TRPV4: variants seen among roughly 807,000 people sequenced by gnomAD.
TRPV4 encodes transient receptor potential cation channel subfamily V member 4.
A neutral mutation model predicts 84.1 loss-of-function variants in TRPV4; 58 were observed. The observed-to-expected ratio is 0.69, with a 90% confidence interval of 0.56 to 0.86. The LOEUF (loss-of-function observed/expected upper bound fraction) is 0.86. TRPV4 is among the 40% of genes least tolerant of loss of function. The probability of loss-of-function intolerance (pLI) is 0.00; values close to 1 mark genes in which losing one functional copy is unlikely to be tolerated. For missense variants in TRPV4, 879 were observed against 1,181.1 expected, an observed-to-expected ratio of 0.74 and a Z score of 3.75; for synonymous variants, 489 against 500.9, an observed-to-expected ratio of 0.98 and a Z score of 0.32.
chr12:109,794,124 GCCT>G, intron 8 of TRPV4, 102 bp from the exon 9 acceptor site: 6 of 1,168,986 alleles, frequency 5.1e-6, no homozygotes, highest in Middle Eastern at 2.6e-4. Context: ...ATCCCATGGA[GCCT>G]CCTCCTTCAC....
chr12:109,805,139 C>A (rs1205889077), intron 3 of TRPV4, among the ~76,000 whole-genome samples: 1 of 152,206 alleles, frequency 6.6e-6, no homozygotes, highest in Non-Finnish European at 1.5e-5. Flanking sequence ...TGGTCCTGTC[C>A]AGGAGCCTGT....
chr12:109,809,841 A>T (rs1259923148), intron 2 of TRPV4, among the ~76,000 whole-genome samples: 2 of 152,260 alleles, frequency 1.3e-5, no homozygotes, highest in African/African-American at 4.8e-5. Context: ...TAACTAACCC[A>T]TTAATTTATT....
chr12:109,802,615 T>TTTTA (rs113248555), intron 4 of TRPV4, among the ~76,000 whole-genome samples: 14,112 of 73,296 alleles, frequency 0.19, 1,143 homozygotes, highest in East Asian at 0.42. Flanking sequence ...TTTTATTTTA[T>TTTTA]TTTTTTTTTT....
intron 1 of TRPV4, among the ~76,000 whole-genome samples, chr12:109,823,955 G>GTGTC (rs1224745909): frequency 6.6e-6 from 1 of 151,614 alleles, no homozygotes; most frequent in Non-Finnish European, 1.5e-5. Context: ...GTGTGTGTGT[G>GTGTC]TGTGTGCGCA....
Position 109,793,895 on chromosome 12 carries a change from A to T in TRPV4, c.1584+35T>A. 1 of 1,446,950 alleles carries T rather than the reference A, an allele frequency of 6.9e-7. No individual in the cohort carries two copies. The highest frequency in any genetic ancestry group is 9.6e-7 in the Non-Finnish European group (1 of 1,046,726). The allele number at this position is 1,446,950 out of a possible 1,614,324, so 89.6% of individuals were successfully genotyped here. On this transcript the variant is annotated intron_variant, in intron 9 of 15. Coordinates refer to ENST00000261740, the MANE Select transcript of TRPV4 (RefSeq NM_021625.5). The surrounding 1 kb of genome is among the most constrained non-coding windows in gnomAD (Gnocchi z 4.0). ...AGGTGCAGGAAGAGAAGAGGAGGGC[A>T]GGCAGGGTGGGGGGCACGGGGGCCA...
chr12:109,830,691 C>T (rs894268392), intron 1 of TRPV4, among the ~76,000 whole-genome samples: 1 of 152,160 alleles, frequency 6.6e-6, no homozygotes, highest in Non-Finnish European at 1.5e-5. Context: ...GTGTCTTTCC[C>T]AAAGTCAAAT....
intron 4 of TRPV4, among the ~76,000 whole-genome samples, chr12:109,802,433 C>T (rs1399467785): frequency 6.6e-6 from 1 of 151,752 alleles, no homozygotes; most frequent in Admixed American, 6.6e-5. Context: ...TCCCAAGTAG[C>T]TGAGATTATA....
intron 1 of TRPV4, among the ~76,000 whole-genome samples, chr12:109,832,118 T>TACAGAGGAGAGAAC (rs1192316029): frequency 3.9e-5 from 6 of 152,186 alleles, no homozygotes; most frequent in Admixed American, 6.5e-5. Context: ...ACCCCAGTAT[T>TACAGAGGAGAGAAC]ACAGAGGAGA....
rs1338641750 is a variant in TRPV4 at position 109,803,028 on chromosome 12, C to T, written c.675G>A (p.Glu225=). The T allele has an allele frequency of 6.8e-6, 11 of 1,614,188 alleles. No individual in the cohort carries two copies. The African/African-American group carries it at 8.0e-5, about 12-fold the overall frequency. The change falls in exon 4 of 16, where the codon GAG becomes GAA. Residue 225 remains glutamate, a synonymous_variant. Coordinates refer to ENST00000261740, the MANE Select transcript of TRPV4 (RefSeq NM_021625.5). The part of the protein sequence containing the change: ...DIAERTGNMR[E]FINSPFRDIY... Reference sequence around the variant, plus strand: ...TGTCACGGAAGGGCGAGTTAATGAACTCCCTCATGTTGCCGGTGCGCTCCG... The same window carrying T: ...TGTCACGGAAGGGCGAGTTAATGAATTCCCTCATGTTGCCGGTGCGCTCCG...
At chr12:109,792,263 A>AAAAAT in intron 12 of TRPV4, 100 bp downstream of exon 12, 1 of 907,696 alleles carries the variant, frequency 1.1e-6, no homozygotes, top group Non-Finnish European at 1.6e-6. Context: ...AAAAAAAAAA[A>AAAAAT]AAGAACTCAG....
In TRPV4 at chr12:109,786,379, T is replaced by G. The variant is rs981744511; in HGVS notation, c.2336+331A>C. Among the ~76,000 whole-genome samples, 2 of 152,186 alleles carry G rather than the reference T, an allele frequency of 1.3e-5. No individual in the cohort carries two copies. Among genetic ancestry groups the G allele is most frequent in the African/African-American group, 4.8e-5 (2 of 41,450 alleles). ...ATGAACCCACCATCCAAGTCTCTGC[T>G]TCCCCCTGAGCAAGAACAGGGGAGC... On this transcript the variant is annotated intron_variant, in intron 14 of 15. Coordinates refer to ENST00000261740, the MANE Select transcript of TRPV4 (RefSeq NM_021625.5). The surrounding 1 kb of genome is among the most constrained non-coding windows in gnomAD (Gnocchi z 4.5).
At position 109,796,451 on chromosome 12, in the gene TRPV4, A is replaced by C. The variant is rs930884656; in HGVS notation, c.1332+74T>G. ...AGGCTGGGGCTGTCTCCCCCAGCCCAGCCCCAGGGCCCTGTCCCTACTCCC... is the reference window on the plus strand; with the variant it reads ...AGGCTGGGGCTGTCTCCCCCAGCCCCGCCCCAGGGCCCTGTCCCTACTCCC... On this transcript the variant is annotated intron_variant, in intron 7 of 15. Coordinates refer to ENST00000261740, the MANE Select transcript of TRPV4 (RefSeq NM_021625.5). The surrounding 1 kb of genome is among the most constrained non-coding windows in gnomAD (Gnocchi z 4.2). The C allele has an allele frequency of 5.1e-6, 8 of 1,565,692 alleles. No homozygotes were observed. The highest frequency in any genetic ancestry group is 2.3e-5 in the South Asian group (2 of 88,150).
intron 14 of TRPV4, among the ~76,000 whole-genome samples, chr12:109,785,890 C>A (rs774803193): frequency 6.6e-6 from 1 of 151,730 alleles, no homozygotes; most frequent in South Asian, 2.1e-4. Context: ...AAAAATTGGT[C>A]GGACATGGTG....
chr12:109,808,403 C>G lies in TRPV4; in HGVS notation c.452G>C (p.Arg151Pro). 1 of 1,614,122 alleles carries G rather than the reference C, an allele frequency of 6.2e-7. No homozygotes were observed. Among genetic ancestry groups the G allele is most frequent in the Non-Finnish European group, 8.5e-7 (1 of 1,180,018 alleles). Residue 151 changes from arginine to proline, a missense_variant, in exon 3 of 16, where the codon CGG (arginine) becomes CCG (proline). Transcript: ENST00000261740. ...QPPPILKVFN[R>P]PILFDIVSRG... The stretch of plus-strand genomic sequence containing the variant: ...GGACACGATGTCAAAGAGGATAGGC[C>G]GGTTGAAGACTTTGAGGATGGGGGG...
At chr12:109,804,085 G>A (rs1349960570) in intron 3 of TRPV4, among the ~76,000 whole-genome samples, 1 of 152,160 alleles carries the variant, frequency 6.6e-6, no homozygotes, top group Non-Finnish European at 1.5e-5. Flanking sequence ...GTTCTAGGGG[G>A]TGCAACAATA....
chr12:109,794,093 C>T, intron 8 of TRPV4, 71 bp from the exon 9 acceptor site: 1 of 1,346,176 alleles, frequency 7.4e-7, no homozygotes, highest in Non-Finnish European at 1.0e-6. Context: ...CCAGATGTTC[C>T]CCCAGGCCCG....
Position 109,814,908 on chromosome 12 carries a change from C to G in TRPV4, c.-31-81G>C. On this transcript the variant is annotated intron_variant, in intron 1 of 15. Transcript: ENST00000261740. This position sits in a 1 kb window ranked among gnomAD's most constrained non-coding sequence, Gnocchi z 5.4. ...GGAAGCCCCCTCCCACGTGGACAAG[C>G]AGCAGTGCTGCCAGCTGCTTCAAAG... 7.4e-7 allele frequency: 1 copy of G among 1,354,440 alleles called. No homozygotes were observed. Among genetic ancestry groups the G allele is most frequent in the East Asian group, 2.5e-5 (1 of 39,928 alleles). 83.9% of individuals were successfully genotyped at this position (1,354,440 alleles called of 1,614,324 possible). A position where few individuals can be genotyped will look rare whatever the true frequency, so the allele number is the denominator to read the frequency against.
Position 109,786,975 on chromosome 12 carries a change from G to T in TRPV4, c.2209-138C>A, listed in dbSNP as rs1352833948. 2.4e-6 allele frequency: 3 copies of T among 1,260,568 alleles called. No individual in the cohort carries two copies. The highest frequency in any genetic ancestry group is 2.2e-6 in the Non-Finnish European group (2 of 899,290). 78.1% of individuals were successfully genotyped at this position (1,260,568 alleles called of 1,614,324 possible). A position where few individuals can be genotyped will look rare whatever the true frequency, so the allele number is the denominator to read the frequency against. ...GACTCCTACTCCCCACTAGACACAG[G>T]GTTTATAAACTCAAATACCCACAGG... is the stretch of plus-strand genomic sequence containing the variant. On this transcript the variant is annotated intron_variant, in intron 13 of 15. Transcript: ENST00000261740. The surrounding 1 kb of genome is among the most constrained non-coding windows in gnomAD (Gnocchi z 4.5).
intron 5 of TRPV4, 111 bp downstream of exon 5, chr12:109,800,507 T>C: frequency 1.4e-6 from 2 of 1,388,282 alleles, no homozygotes; most frequent in South Asian, 2.5e-5. Flanking sequence ...ATGGCCAGAG[T>C]GGCCCTGGGT....
Sources: gnomAD v4.1 joint callset for allele counts (sites outside exome capture counted in the v4.1 genomes callset) on GRCh38, gnomAD v4.1.1 for gene constraint, Gnocchi (gnomAD v3.1) non-coding constraint, MANE v1.5 for transcripts, NCBI Gene and HGNC (gene_info 2026-07-23, HGNC 2026-07-21) for gene names.